The following CLASP1 variants were observed in gnomAD, a reference collection of about 807,000 sequenced individuals.
CLASP1 encodes the protein cytoplasmic linker associated protein 1, also known as CLIP-associating protein 1.
Under a neutral mutation model 192.3 loss-of-function variants are expected in CLASP1, and 38 were observed. The ratio of observed to expected loss-of-function variants is 0.20; its 90% CI spans 0.15 to 0.26. CLASP1 has a LOEUF of 0.26. Ranked by LOEUF, CLASP1 falls within the 10% of genes least tolerant of loss-of-function variation. The pLI, the probability that CLASP1 is intolerant of heterozygous loss-of-function variation, is 1.00. For missense variants in CLASP1, 1,433 were observed against 1,932.5 expected (o/e 0.74, Z 4.85); for synonymous variants, 691 against 712.8 (o/e 0.97, Z 0.49).
chr2:121,492,787 T>C (rs955831465), intron 8 of CLASP1, among the ~76,000 whole-genome samples: 1 of 152,122 alleles, frequency 6.6e-6, no homozygotes, highest in African/African-American at 2.4e-5. Context: ...CTCAGTAAGT[T>C]AAACATAGAA....
intron 35 of CLASP1, 54 bp from the exon 37 acceptor site, chr2:121,365,338 G>T: frequency 6.6e-7 from 1 of 1,513,290 alleles, no homozygotes. Flanking sequence ...CCAGCACAGG[G>T]GCTTGCTCAG....
At chr2:121,355,849 T>C (rs1358544222) in intron 37 of CLASP1, among the ~76,000 whole-genome samples, 1 of 152,232 alleles carries the variant, frequency 6.6e-6, no homozygotes, top group Non-Finnish European at 1.5e-5. Context: ...AAAAGACTTC[T>C]GGGTTATAAT....
chr2:121,524,003 C>T (rs757882141), intron 6 of CLASP1, among the ~76,000 whole-genome samples: 3 of 152,218 alleles, frequency 2.0e-5, no homozygotes, highest in Non-Finnish European at 2.9e-5. Context: ...CTCTAGACAA[C>T]GTCCCTTGTT....
At chr2:121,639,721 G>A (rs2071647996) in intron 1 of CLASP1, among the ~76,000 whole-genome samples, 1 of 151,880 alleles carries the variant, frequency 6.6e-6, no homozygotes, top group African/African-American at 2.4e-5. Context: ...AAATTAGCCA[G>A]GCATGGTGGC....
intron 19 of CLASP1, among the ~76,000 whole-genome samples, 196 bp from the exon 20 acceptor site, chr2:121,430,373 C>A (rs558840207): frequency 2.0e-5 from 3 of 152,392 alleles, no homozygotes; most frequent in East Asian, 3.9e-4. Context: ...ATATGATCCA[C>A]GCACAACTGT....
At position 121,387,717 on chromosome 2, in the gene CLASP1, A is replaced by G. The variant is rs764148813; in HGVS notation, c.3267+46T>C. ...TAGGTTCTAGATAAGGGCTACGCAG[A>G]GGTCATGGACATCACATAGGCACCA... On this transcript the variant is annotated intron_variant, in intron 31 of 39. Transcript: ENST00000263710. 3 of 1,598,260 alleles carry G rather than the reference A, an allele frequency of 1.9e-6. No individual in the cohort carries two copies. In the African/African-American group the frequency reaches 4.0e-5, roughly 21 times the overall value.
chr2:121,535,794 G>A (rs2095050274), intron 2 of CLASP1, among the ~76,000 whole-genome samples: 1 of 151,788 alleles, frequency 6.6e-6, no homozygotes, highest in East Asian at 2.0e-4. Flanking sequence ...CAGTAGCTGG[G>A]ACTACAGGCG....
At chr2:121,485,489 A>G (rs892470163) in intron 8 of CLASP1, among the ~76,000 whole-genome samples, 7 of 152,184 alleles carry the variant, frequency 4.6e-5, no homozygotes, top group Admixed American at 4.6e-4. Flanking sequence ...CAAGTACACT[A>G]AAGACTCCAA....
chr2:121,589,683 C>T (rs2062158038), intron 2 of CLASP1, among the ~76,000 whole-genome samples: 1 of 150,712 alleles, frequency 6.6e-6, no homozygotes, highest in Non-Finnish European at 1.5e-5. Context: ...TTGCCATCTT[C>T]CAGTTTAGCC....
Position 121,442,143 on chromosome 2 carries a change from G to A in CLASP1, c.1912+5194C>T, listed in dbSNP as rs528440635. Reference sequence around the variant, plus strand: ...GGAAAAATATGAATGCTTTTCCTAAGCATACTAGCTTTTTTAAAAAAGTAT... The same window carrying A: ...GGAAAAATATGAATGCTTTTCCTAAACATACTAGCTTTTTTAAAAAAGTAT... On this transcript the variant is annotated intron_variant, in intron 19 of 39. Coordinates refer to ENST00000263710, the Ensembl canonical transcript of CLASP1. 1.7e-4 allele frequency among the ~76,000 whole-genome samples: 26 copies of A among 152,142 alleles called. No individual in the cohort carries two copies. The South Asian group carries it at 5.4e-3, about 32-fold the overall frequency.
At chr2:121,530,485 T>A in intron 2 of CLASP1, 160 bp from the exon 3 acceptor site, 1 of 603,168 alleles carries the variant, frequency 1.7e-6, no homozygotes, top group South Asian at 2.0e-5. Context: ...CGAAGAAGGA[T>A]GATCTTCCAC....
intron 19 of CLASP1, among the ~76,000 whole-genome samples, chr2:121,434,970 C>T (rs1288982911): frequency 6.6e-6 from 1 of 151,906 alleles, no homozygotes; most frequent in African/African-American, 2.4e-5. Context: ...CAACAGCTTT[C>T]TTCTACTGAT....
intron 1 of CLASP1, among the ~76,000 whole-genome samples, chr2:121,642,401 TAAAAAAA>T (rs35181269): frequency 0.013 from 1,384 of 107,530 alleles, 19 homozygotes; most frequent in Non-Finnish European, 0.014. Flanking sequence ...ATCTTTTTGC[TAAAAAAA>T]AAAAAAAAAA....
In CLASP1 at chr2:121,530,331, G is replaced by T. The variant is rs1348646665; in HGVS notation, c.196-6C>A. On this transcript the variant is annotated splice_region_variant and splice_polypyrimidine_tract_variant and intron_variant, in intron 2 of 39. Transcript: ENST00000263710. ...TCCATGCCCAGCAGAACCACCTGCA[G>T]CGGGAAACACCGGGAGCCTGTTAGC... is the stretch of plus-strand genomic sequence containing the variant. 6.5e-7 allele frequency: 1 copy of T among 1,548,946 alleles called. No homozygotes were observed. The highest frequency in any genetic ancestry group is 2.0e-5 in the Admixed American group (1 of 50,956).
intron 1 of CLASP1, among the ~76,000 whole-genome samples, chr2:121,637,793 G>A (rs1274678003): frequency 1.3e-5 from 2 of 152,052 alleles, no homozygotes; most frequent in Admixed American, 1.3e-4. Context: ...GGCTGAGGCA[G>A]GAGAATGGCT....
At chr2:121,530,870 TTTCTATTATAACCATCCTTTTC>T in intron 2 of CLASP1, 1 of 679,064 alleles carries the variant, frequency 1.5e-6, no homozygotes. Context: ...GCCCAGGGAC[TTTCTATTATAACCATCCTTTTC>T]TTGGGGTTGC....
At chr2:121,536,313 G>A (rs948032489) in intron 2 of CLASP1, among the ~76,000 whole-genome samples, 33 of 146,920 alleles carry the variant, frequency 2.2e-4, no homozygotes, top group Non-Finnish European at 3.0e-4. Context: ...CCTGGGAGGC[G>A]GAGCTTGCAG....
intron 2 of CLASP1, among the ~76,000 whole-genome samples, chr2:121,569,575 G>A (rs1278218079): frequency 5.9e-5 from 9 of 152,192 alleles, no homozygotes; most frequent in East Asian, 5.8e-4. Context: ...TCTTACGGCC[G>A]GACGTGGTGG....
At chr2:121,593,157 G>A (rs2062626940) in intron 2 of CLASP1, among the ~76,000 whole-genome samples, 1 of 152,188 alleles carries the variant, frequency 6.6e-6, no homozygotes, top group African/African-American at 2.4e-5. Context: ...CCCGATGTGA[G>A]GCACTGAGAA....
Sources: allele counts gnomAD v4.1 joint callset (sites outside exome capture counted in the v4.1 genomes callset), GRCh38; gene constraint gnomAD v4.1.1; transcripts MANE v1.5; gene names NCBI Gene and HGNC (gene_info 2026-07-23, HGNC 2026-07-21).